The following GTF2I variants were observed in gnomAD, a reference collection of about 807,000 sequenced individuals.
The protein encoded by GTF2I is general transcription factor II-I.
In GTF2I, 12 loss-of-function variants were observed where a neutral mutation model predicts 67.6. That is an observed-to-expected ratio of 0.18 (90% CI 0.11 to 0.29). GTF2I has a LOEUF of 0.29. GTF2I is among the 10% of genes least tolerant of loss of function. GTF2I has a pLI of 1.00. For synonymous variants in GTF2I, 149 were observed against 197.0 expected (o/e 0.76, Z 2.04); for missense variants, 271 against 580.1 (o/e 0.47, Z 5.47).
chr7:74,747,749 G>A (rs1554409346), intron 23 of GTF2I, among the ~76,000 whole-genome samples: 1 of 45,322 alleles, frequency 2.2e-5, no homozygotes, highest in African/African-American at 7.7e-5. Flanking sequence ...CCGAGATTGC[G>A]CCATTGCACT....
intron 1 of GTF2I, among the ~76,000 whole-genome samples, chr7:74,658,825 C>T (rs1347521599): frequency 2.6e-5 from 4 of 152,226 alleles, no homozygotes; most frequent in African/African-American, 7.2e-5. Flanking sequence ...GAAAATTAAG[C>T]CGTCTGGGTT....
At position 74,700,647 on chromosome 7, in the gene GTF2I, T is replaced by G; in HGVS notation, c.586+13T>G. ...AAGAAGCATGTAGGTAAGTAAGTGC[T>G]TTGCTTCCTTGATAGCTGGCTGGCC... On this transcript the variant is annotated intron_variant, in intron 6 of 34. Coordinates refer to ENST00000573035, the MANE Select transcript of GTF2I (RefSeq NM_032999.4). The G allele has an allele frequency of 2.5e-6, 4 of 1,612,990 alleles. No individual in the cohort carries two copies. Among genetic ancestry groups the G allele is most frequent in the Non-Finnish European group, 2.5e-6 (3 of 1,178,928 alleles).
chr7:74,729,743 G>T lies in GTF2I; in HGVS notation c.1055-486G>T, dbSNP rs1455741979. Among the ~76,000 whole-genome samples the T allele has an allele frequency of 1.9e-3, 279 of 145,438 alleles. 1 individual carries two copies. The highest frequency in any genetic ancestry group is 6.9e-3 in the African/African-American group (272 of 39,394). ...TCCGCATGCCTCAGCCTCCCAAAGT[G>T]CTGGGATTACAGGCATGAGCCACTG... On this transcript the variant is annotated intron_variant, in intron 13 of 34. Transcript: ENST00000573035.
intron 1 of GTF2I, among the ~76,000 whole-genome samples, chr7:74,678,375 C>G (rs1786887736): frequency 6.6e-6 from 1 of 152,088 alleles, no homozygotes; most frequent in African/African-American, 2.4e-5. Context: ...ATCTAAGCAT[C>G]TAGGGGTTTA....
At chr7:74,726,883 AGAAT>A (rs1554405761) in intron 12 of GTF2I, 1 of 147,976 alleles carries the variant, frequency 6.8e-6, no homozygotes, top group Non-Finnish European at 1.5e-5. Context: ...ATAGATAGAT[AGAAT>A]GAGACCCTGC....
chr7:74,679,596 T>C (rs1035933281), intron 1 of GTF2I, among the ~76,000 whole-genome samples: 1 of 152,164 alleles, frequency 6.6e-6, no homozygotes, highest in African/African-American at 2.4e-5. Context: ...TTGTGTTGAT[T>C]ATGTTTTTAA....
In GTF2I at chr7:74,660,625, T is replaced by TC. The variant is rs1306080645; in HGVS notation, c.-6+2557_-6+2558insC. ...TTTTCCTTTTTCTTTTCTTTTCTTT[T>TC]TTTTTTTTTTTCGGAAGCGGAGTTT... On this transcript the variant is annotated intron_variant, in intron 1 of 34. Transcript: ENST00000573035. 2.5e-4 allele frequency among the ~76,000 whole-genome samples: 37 copies of TC among 148,358 alleles called. No homozygotes were observed. The East Asian group carries it at 3.6e-3, about 14-fold the overall frequency.
At chr7:74,671,840 C>T (rs1805483802) in intron 1 of GTF2I, among the ~76,000 whole-genome samples, 1 of 151,430 alleles carries the variant, frequency 6.6e-6, no homozygotes. Flanking sequence ...AAAAATTAGC[C>T]GGGTGTGGTG....
intron 1 of GTF2I, among the ~76,000 whole-genome samples, chr7:74,681,831 G>C (rs1787299623): frequency 6.6e-6 from 1 of 151,978 alleles, no homozygotes; most frequent in African/African-American, 2.4e-5. Context: ...AGAATCACTT[G>C]AACCCAGGAG....
chr7:74,715,802 A>G (rs1792186823), intron 10 of GTF2I, among the ~76,000 whole-genome samples: 1 of 152,098 alleles, frequency 6.6e-6, no homozygotes, highest in Admixed American at 6.6e-5. Flanking sequence ...AAGAATCCCC[A>G]GATAATTGTG....
At chr7:74,722,940 T>G (rs1454676704) in intron 12 of GTF2I, among the ~76,000 whole-genome samples, 1 of 152,192 alleles carries the variant, frequency 6.6e-6, no homozygotes, top group Non-Finnish European at 1.5e-5. Flanking sequence ...TTTTTAGAGT[T>G]TCAGTATTTT....
At chr7:74,662,204 CTTTTTTTTTTTTTTTTTTT>C (rs59914241) in intron 1 of GTF2I, among the ~76,000 whole-genome samples, 2 of 82,596 alleles carry the variant, frequency 2.4e-5, no homozygotes, top group Non-Finnish European at 4.4e-5. Flanking sequence ...TTTTTTCTTT[CTTTTTTTTTTTTTTTTTTT>C]TTTTTTTTGA....
chr7:74,689,348 CTTTTTTTTTTT>C (rs1162860651), intron 2 of GTF2I, 121 bp downstream of exon 2: 8 of 144,742 alleles, frequency 5.5e-5, no homozygotes, highest in Middle Eastern at 2.8e-3. Context: ...TTTTTCTTTA[CTTTTTTTTTTT>C]TTTTTTTTTT....
intron 26 of GTF2I, among the ~76,000 whole-genome samples, chr7:74,749,883 C>T (rs1227497911): frequency 0.012 from 1,605 of 135,068 alleles, no homozygotes; most frequent in African/African-American, 0.041. Context: ...AGCAAAACTC[C>T]ATCTCAAAAA....
intron 21 of GTF2I, 29 bp from the exon 22 acceptor site, chr7:74,745,854 A>G: frequency 6.2e-7 from 1 of 1,609,118 alleles, no homozygotes; most frequent in Non-Finnish European, 8.5e-7. Context: ...TGTGCTGGCT[A>G]CTGTAACACT....
chr7:74,688,418 G>C (rs1011462497), intron 1 of GTF2I, among the ~76,000 whole-genome samples: 1 of 151,862 alleles, frequency 6.6e-6, no homozygotes. Context: ...ATTTTATTTT[G>C]GTAAAATATA....
At chr7:74,683,921 G>T (rs782477934) in intron 1 of GTF2I, among the ~76,000 whole-genome samples, 1 of 151,922 alleles carries the variant, frequency 6.6e-6, no homozygotes, top group Non-Finnish European at 1.5e-5. Context: ...AGAGCAAAAT[G>T]TCCTCATTTT....
intron 3 of GTF2I, among the ~76,000 whole-genome samples, chr7:74,692,435 T>A (rs1433379216): frequency 6.6e-6 from 1 of 152,180 alleles, no homozygotes; most frequent in Non-Finnish European, 1.5e-5. Context: ...CAAGTTTGTT[T>A]AAGCATATTG....
At chr7:74,708,008 A>G (rs1165585775) in intron 8 of GTF2I, among the ~76,000 whole-genome samples, 1 of 152,102 alleles carries the variant, frequency 6.6e-6, no homozygotes, top group Non-Finnish European at 1.5e-5. Flanking sequence ...AATTTAATGT[A>G]AAGATTGTTG....
Sources: gnomAD v4.1 joint callset for allele counts (sites outside exome capture counted in the v4.1 genomes callset) on GRCh38, gnomAD v4.1.1 for gene constraint, MANE v1.5 for transcripts, NCBI Gene and HGNC (gene_info 2026-07-23, HGNC 2026-07-21) for gene names.